ATP2B2: variants seen among roughly 807,000 people sequenced by gnomAD.
The protein encoded by ATP2B2 is ATPase plasma membrane Ca2+ transporting 2, also known as plasma membrane calcium-transporting ATPase 2.
In ATP2B2, 15 loss-of-function variants were observed where a neutral mutation model predicts 120.0. The observed-to-expected ratio is 0.12, with a 90% CI of 0.08 to 0.19. The LOEUF (loss-of-function observed/expected upper bound fraction) is 0.19, where lower values mean the gene tolerates loss of function less well. ATP2B2 is among the 10% of genes least tolerant of loss of function. The pLI, the probability that ATP2B2 is intolerant of heterozygous loss-of-function variation, is 1.00. For missense variants in ATP2B2, 1,045 were observed against 1,719.8 expected (o/e 0.61, Z 6.94); for synonymous variants, 694 against 700.3 (o/e 0.99, Z 0.14).
rs2066994020 is a variant in ATP2B2, at chr3:10,522,032, G to A, written c.-320+12007C>T. ...GTGTTCTTTCACAGTTCACAGAGGT[G>A]GGACAGTGGGGTTGGGGATTGAAAG... On this transcript the variant is annotated intron_variant, in intron 3 of 21. Coordinates refer to the ATP2B2 transcript ENST00000646379. Among the ~76,000 whole-genome samples, 3 of 152,236 alleles carry A rather than the reference G, an allele frequency of 2.0e-5. No individual in the cohort carries two copies. In the South Asian group the frequency reaches 6.2e-4, roughly 31 times the overall value.
chr3:10,659,623 T>G (rs975250417), intron 1 of ATP2B2, among the ~76,000 whole-genome samples: 14 of 152,202 alleles, frequency 9.2e-5, no homozygotes, highest in African/African-American at 3.4e-4. Context: ...CAAAGAGACT[T>G]AGACTCCCAC....
At chr3:10,613,792 C>T (rs1440886902) in intron 2 of ATP2B2, among the ~76,000 whole-genome samples, 1 of 152,106 alleles carries the variant, frequency 6.6e-6, no homozygotes, top group Non-Finnish European at 1.5e-5. Flanking sequence ...CTGTATCCCC[C>T]ACCCAGCCCA....
At chr3:10,416,988 G>A (rs1319510737) in intron 2 of ATP2B2, among the ~76,000 whole-genome samples, 2 of 147,806 alleles carry the variant, frequency 1.4e-5, no homozygotes, top group Non-Finnish European at 3.0e-5. Context: ...CCCAGATGGT[G>A]AGTGGCCAGG....
At chr3:10,445,690 A>G (rs2063813970) in intron 2 of ATP2B2, among the ~76,000 whole-genome samples, 2 of 152,200 alleles carry the variant, frequency 1.3e-5, no homozygotes, top group East Asian at 3.8e-4. Flanking sequence ...TTTTGCCTAA[A>G]ATTAGCTGAA....
intron 4 of ATP2B2, 148 bp from the exon 5 acceptor site, chr3:10,401,226 C>G: frequency 9.5e-7 from 1 of 1,055,372 alleles, no homozygotes; most frequent in African/African-American, 1.6e-5. Flanking sequence ...AGATGGTGCC[C>G]ATAGAAGGCC....
chr3:10,627,954 C>T (rs553785621), intron 1 of ATP2B2, among the ~76,000 whole-genome samples: 56 of 152,264 alleles, frequency 3.7e-4, no homozygotes, highest in Non-Finnish European at 6.2e-4. Flanking sequence ...CCAGGGTCAT[C>T]AGGGAGGCGA....
chr3:10,461,310 A>G (rs2287447), intron 1 of ATP2B2, among the ~76,000 whole-genome samples: 35,101 of 152,182 alleles, frequency 0.23, 5,245 homozygotes, highest in Non-Finnish European at 0.33. Flanking sequence ...AGCCCTGGTT[A>G]TCTCCACCCA....
chr3:10,403,215 C>T (rs972314495), intron 3 of ATP2B2, among the ~76,000 whole-genome samples: 19 of 152,210 alleles, frequency 1.2e-4, no homozygotes, highest in African/African-American at 4.6e-4. Context: ...GCTCAGCACA[C>T]AGGAGGTTCT....
intron 5 of ATP2B2, among the ~76,000 whole-genome samples, chr3:10,399,344 C>G (rs962770868): frequency 2.0e-5 from 3 of 152,236 alleles, no homozygotes; most frequent in African/African-American, 7.2e-5. Flanking sequence ...CACTTGCTAT[C>G]TCTCTGCCTG....
rs769527949 is a variant in ATP2B2, at chr3:10,345,420, G to T, written c.2667C>A (p.Ala889=). The T allele has an allele frequency of 3.1e-6, 5 of 1,614,198 alleles. No homozygotes were observed. The Admixed American group carries it at 8.3e-5, about 27-fold the overall frequency. Reference sequence around the variant, plus strand: ...AGGCGCCTGTGAAGGCCACAATCACGGCCACCACGTTGACGGTGAGCTGGA... The same window carrying T: ...AGGCGCCTGTGAAGGCCACAATCACTGCCACCACGTTGACGGTGAGCTGGA... ...LQFQLTVNVV[A]VIVAFTGACI... The change falls in exon 18 of 23, where the codon GCC becomes GCA. Residue 889 remains alanine, a synonymous_variant. Transcript: ENST00000360273.
At chr3:10,680,542 C>G (rs1404871108) in intron 1 of ATP2B2, among the ~76,000 whole-genome samples, 1 of 152,112 alleles carries the variant, frequency 6.6e-6, no homozygotes, top group Non-Finnish European at 1.5e-5. Context: ...GTCCTGATGC[C>G]TTGGCATCTT....
chr3:10,602,618 T>A (rs1014302710), intron 2 of ATP2B2, among the ~76,000 whole-genome samples: 1 of 152,246 alleles, frequency 6.6e-6, no homozygotes, highest in African/African-American at 2.4e-5. Flanking sequence ...CTCCTGTTGA[T>A]GACAAGCGAT....
intron 2 of ATP2B2, among the ~76,000 whole-genome samples, chr3:10,559,419 G>A (rs1370454269): frequency 2.0e-5 from 3 of 152,090 alleles, no homozygotes; most frequent in African/African-American, 4.8e-5. Context: ...AATGATAAAC[G>A]TTTGGGGCGA....
Position 10,402,156 on chromosome 3 carries a change from G to T in ATP2B2, c.590C>A (p.Ala197Asp). The T allele has an allele frequency of 6.2e-7, 1 of 1,614,202 alleles. No individual in the cohort carries two copies. The highest frequency in any genetic ancestry group is 2.2e-5 in the East Asian group (1 of 44,882). Residue 197 changes from alanine to aspartate, a missense_variant, in exon 4 of 23, where the codon GCT becomes GAT. Transcript: ENST00000360273. This position sits in a 1 kb window ranked among gnomAD's most constrained non-coding sequence, Gnocchi z 4.9. ...CACAGGGATCTGGACCACCTGGCCA[G>T]CCCGGACCACGGTAAATTTCTGTTC... ...EQEQKFTVVR[A>D]GQVVQIPVAE...
chr3:10,516,008 T>A (rs2066869493), intron 3 of ATP2B2, among the ~76,000 whole-genome samples: 1 of 152,180 alleles, frequency 6.6e-6, no homozygotes, highest in Non-Finnish European at 1.5e-5. Context: ...GTGTTGTCAG[T>A]GATCTCATAT....
chr3:10,413,390 G>C (rs984624965), intron 2 of ATP2B2, among the ~76,000 whole-genome samples: 5 of 152,354 alleles, frequency 3.3e-5, no homozygotes, highest in Admixed American at 2.0e-4. Context: ...CCTCACGCCA[G>C]CCTGCTTGTT....
At chr3:10,437,259 G>T (rs937997156) in intron 2 of ATP2B2, among the ~76,000 whole-genome samples, 1 of 150,482 alleles carries the variant, frequency 6.6e-6, no homozygotes, top group Non-Finnish European at 1.5e-5. Flanking sequence ...TGATGATAAT[G>T]ATAATAGTAA....
intron 2 of ATP2B2, among the ~76,000 whole-genome samples, chr3:10,600,434 C>A (rs890930721): frequency 1.3e-5 from 2 of 152,234 alleles, no homozygotes; most frequent in Admixed American, 1.3e-4. Context: ...GTCATCTCCC[C>A]CTACCAGCCT....
intron 1 of ATP2B2, among the ~76,000 whole-genome samples, chr3:10,684,262 A>G (rs2071462583): frequency 6.6e-6 from 1 of 152,204 alleles, no homozygotes; most frequent in African/African-American, 2.4e-5. Flanking sequence ...TCTTTGTTTA[A>G]GTTTGTGAAC....
Sources: allele counts gnomAD v4.1 joint callset (sites outside exome capture counted in the v4.1 genomes callset), GRCh38; gene constraint gnomAD v4.1.1; non-coding constraint Gnocchi (gnomAD v3.1); transcripts MANE v1.5; gene names NCBI Gene and HGNC (gene_info 2026-07-23, HGNC 2026-07-21).